The following ZDHHC17 variants were observed in gnomAD, a reference collection of about 807,000 sequenced individuals.
ZDHHC17 encodes zDHHC palmitoyltransferase 17.
ZDHHC17 carries 40 observed loss-of-function variants against 90.3 expected under a neutral mutation model. The observed-to-expected ratio is 0.44, with a 90% CI of 0.34 to 0.58. The LOEUF (loss-of-function observed/expected upper bound fraction) is 0.58. ZDHHC17 is among the 20% of genes least tolerant of loss of function. The pLI is 0.01. For missense variants in ZDHHC17, 614 were observed against 780.8 expected (o/e 0.79, Z 2.55); for synonymous variants, 235 against 252.4 (o/e 0.93, Z 0.65).
At chr12:76,841,779 AACTT>A (rs988275389) in intron 10 of ZDHHC17, among the ~76,000 whole-genome samples, 199 bp from the exon 11 acceptor site, 9 of 152,264 alleles carry the variant, frequency 5.9e-5, no homozygotes, top group African/African-American at 2.2e-4. Context: ...TATATTCACT[AACTT>A]TTAAAGTGTC....
chr12:76,833,713 A>T (rs1592494268), intron 10 of ZDHHC17, among the ~76,000 whole-genome samples: 1 of 152,170 alleles, frequency 6.6e-6, no homozygotes, highest in Non-Finnish European at 1.5e-5. Context: ...AATGGCATGA[A>T]CCTGGGGATG....
rs1209698888 is a variant in ZDHHC17 at position 76,852,630 on chromosome 12, AG to A, written c.*1647del. The A allele has an allele frequency of 6.6e-6, 1 of 152,554 alleles. No homozygotes were observed. The highest frequency in any genetic ancestry group is 1.9e-4 in the East Asian group (1 of 5,192). 9.5% of individuals were successfully genotyped at this position (152,554 alleles called of 1,614,324 possible). On this transcript the variant is annotated 3_prime_UTR_variant, in exon 17 of 17. Coordinates refer to ENST00000426126, the MANE Select transcript of ZDHHC17 (RefSeq NM_015336.4). The stretch of plus-strand genomic sequence containing the variant: ...TATACCCGCCCCTTGCCTTAGTAAG[AG>A]GAGCAGTGAAATGTATATAGTTGAT...
At chr12:76,827,205 TTGTTA>T (rs1454570985) in intron 9 of ZDHHC17, among the ~76,000 whole-genome samples, 155 bp downstream of exon 9, 1 of 152,184 alleles carries the variant, frequency 6.6e-6, no homozygotes, top group Non-Finnish European at 1.5e-5. Flanking sequence ...TTTTTAAACA[TTGTTA>T]TGTTATTAAA....
At chr12:76,836,127 TA>T (rs1260488053) in intron 10 of ZDHHC17, among the ~76,000 whole-genome samples, 1 of 152,000 alleles carries the variant, frequency 6.6e-6, no homozygotes, top group African/African-American at 2.4e-5. Flanking sequence ...GAAATTGTCT[TA>T]TAATTTTTTT....
In ZDHHC17 at chr12:76,764,245, G is replaced by A. The variant is rs749541806; in HGVS notation, c.9G>A (p.Arg3=). 1.9e-6 allele frequency: 3 copies of A among 1,602,322 alleles called. No individual in the cohort carries two copies. In the South Asian group the frequency reaches 3.4e-5, roughly 18 times the overall value. ...AAACGCTTTCTCCCAGCATGCAGCG[G>A]GAGGAGGGATTTAACACCAAGATGG... MQ[R]EEGFNTKMAD... is the part of the protein sequence containing the mutation. Residue 3 remains arginine, a synonymous_variant, in exon 1 of 17, where the codon CGG becomes CGA. Transcript: ENST00000426126.
chr12:76,824,550 TTAAAAC>T (rs1953207689), intron 8 of ZDHHC17, among the ~76,000 whole-genome samples: 1 of 97,176 alleles, frequency 1.0e-5, no homozygotes, highest in African/African-American at 3.7e-5. Context: ...TGTTTTATAT[TTAAAAC>T]TAAAAAAGAA....
intron 1 of ZDHHC17, among the ~76,000 whole-genome samples, chr12:76,780,979 A>T (rs1952617073): frequency 6.6e-6 from 1 of 151,784 alleles, no homozygotes; most frequent in South Asian, 2.1e-4. Context: ...TACAAAAAAA[A>T]AAAAATTACC....
chr12:76,764,429 A>G, intron 1 of ZDHHC17, 100 bp downstream of exon 1: 1 of 1,175,708 alleles, frequency 8.5e-7, no homozygotes. Flanking sequence ...GGGTAGTGGG[A>G]CGTGCCGAAG....
chr12:76,820,657 C>T (rs1339784218), intron 7 of ZDHHC17, among the ~76,000 whole-genome samples: 1 of 152,106 alleles, frequency 6.6e-6, no homozygotes, highest in African/African-American at 2.4e-5. Flanking sequence ...TGTATTACCT[C>T]TTAAATACCT....
At chr12:76,774,465 G>GA (rs1442835009) in intron 1 of ZDHHC17, among the ~76,000 whole-genome samples, 2 of 152,164 alleles carry the variant, frequency 1.3e-5, no homozygotes, top group East Asian at 3.9e-4. Flanking sequence ...CAGAGCTGAT[G>GA]AGAGGACAGA....
At chr12:76,770,926 C>CAAAAAA (rs34292734) in intron 1 of ZDHHC17, among the ~76,000 whole-genome samples, 1 of 76,170 alleles carries the variant, frequency 1.3e-5, no homozygotes, top group Non-Finnish European at 2.5e-5. Flanking sequence ...AACTCCATCT[C>CAAAAAA]AAAAAAAAAA....
chr12:76,766,976 G>A (rs961749246), intron 1 of ZDHHC17, among the ~76,000 whole-genome samples: 1 of 149,630 alleles, frequency 6.7e-6, no homozygotes, highest in Non-Finnish European at 1.5e-5. Flanking sequence ...CCATGATCGA[G>A]CAGCTGTACT....
At chr12:76,800,505 A>G (rs373975233) in intron 2 of ZDHHC17, among the ~76,000 whole-genome samples, 1 of 152,180 alleles carries the variant, frequency 6.6e-6, no homozygotes, top group South Asian at 2.1e-4. Context: ...TTTTGCTTCA[A>G]ATATTTTGAT....
intron 7 of ZDHHC17, among the ~76,000 whole-genome samples, chr12:76,818,393 G>A (rs573943585): frequency 6.6e-6 from 1 of 152,226 alleles, no homozygotes; most frequent in South Asian, 2.1e-4. Flanking sequence ...ATTCAATGGT[G>A]GGTGGTGGGG....
intron 1 of ZDHHC17, among the ~76,000 whole-genome samples, chr12:76,786,019 A>G (rs1428827199): frequency 6.6e-6 from 1 of 152,132 alleles, no homozygotes; most frequent in Non-Finnish European, 1.5e-5. Flanking sequence ...GAAGGGACGG[A>G]TTTATTTTGA....
intron 10 of ZDHHC17, among the ~76,000 whole-genome samples, chr12:76,831,010 A>G (rs980111306): frequency 6.6e-6 from 1 of 151,204 alleles, no homozygotes; most frequent in South Asian, 2.1e-4. Flanking sequence ...AGCTTACCCT[A>G]TTTGAATACT....
intron 5 of ZDHHC17, among the ~76,000 whole-genome samples, chr12:76,813,672 C>T (rs1334712039): frequency 4.6e-5 from 7 of 152,036 alleles, no homozygotes; most frequent in Non-Finnish European, 7.4e-5. Flanking sequence ...GGTAACACAA[C>T]TTGGATTAGA....
chr12:76,823,501 C>G (rs140810676), intron 8 of ZDHHC17, among the ~76,000 whole-genome samples: 204 of 152,252 alleles, frequency 1.3e-3, no homozygotes, highest in African/African-American at 3.7e-3. Context: ...AGTTAATTGC[C>G]GTAGAGTTTC....
chr12:76,799,284 A>T (rs1292459636), intron 2 of ZDHHC17, among the ~76,000 whole-genome samples: 5 of 152,238 alleles, frequency 3.3e-5, no homozygotes, highest in African/African-American at 1.2e-4. Flanking sequence ...GGTATCTGTT[A>T]TGCCAGTAGG....
Sources: gnomAD v4.1 joint callset for allele counts (sites outside exome capture counted in the v4.1 genomes callset) on GRCh38, gnomAD v4.1.1 for gene constraint, MANE v1.5 for transcripts, NCBI Gene and HGNC (gene_info 2026-07-23, HGNC 2026-07-21) for gene names.